FASLG: variants seen among roughly 807,000 people sequenced by gnomAD.
FASLG encodes tumor necrosis factor ligand superfamily member 6.
Under a neutral mutation model 24.6 loss-of-function variants are expected in FASLG, and 9 were observed. The observed-to-expected ratio is 0.37, with a 90% CI of 0.22 to 0.64. The LOEUF is 0.64. Among genes scored for constraint, FASLG ranks in the 30% least tolerant of loss-of-function variants. The pLI is 0.64. For synonymous variants in FASLG, 130 were observed against 135.5 expected, an observed-to-expected ratio of 0.96 and a Z score of 0.28; for missense variants, 306 against 345.3, an observed-to-expected ratio of 0.89 and a Z score of 0.90.
chr1:172,662,409 T>G (rs1185352403), intron 2 of FASLG, among the ~76,000 whole-genome samples: 1 of 152,196 alleles, frequency 6.6e-6, no homozygotes, highest in Non-Finnish European at 1.5e-5. Context: ...GGCTAGATGT[T>G]GGGTGTTGGA....
In FASLG at chr1:172,660,119, T is replaced by A; in HGVS notation, c.373T>A (p.Ser125Thr). ...GTCTACCAGCCAGATGCACACAGCA[T>A]CATCTTTGGAGAAGCAAATAGGTGA... is the stretch of plus-strand genomic sequence containing the variant. Reference protein sequence around the residue: ...RESTSQMHTASSLEKQIGHPS... With the variant: ...RESTSQMHTATSLEKQIGHPS... Residue 125 changes from serine to threonine, a missense_variant, in exon 2 of 4, where the codon TCA (serine) becomes ACA (threonine). Coordinates refer to ENST00000367721, the MANE Select transcript of FASLG (RefSeq NM_000639.3). 6.2e-7 allele frequency: 1 copy of A among 1,614,156 alleles called. No homozygotes were observed.
chr1:172,661,234 C>T (rs543954103), intron 2 of FASLG, among the ~76,000 whole-genome samples: 31 of 152,214 alleles, frequency 2.0e-4, no homozygotes, highest in African/African-American at 6.3e-4. Context: ...TCCTTAGAAA[C>T]TCAGAATAAA....
intron 2 of FASLG, among the ~76,000 whole-genome samples, chr1:172,664,035 A>T (rs979785693): frequency 1.3e-5 from 2 of 152,212 alleles, no homozygotes; most frequent in Non-Finnish European, 2.9e-5. Flanking sequence ...GTGAGTTCTA[A>T]ATGCAATAAC....
intron 2 of FASLG, among the ~76,000 whole-genome samples, chr1:172,661,855 CT>C (rs1049694244): frequency 6.6e-6 from 1 of 151,958 alleles, no homozygotes; most frequent in African/African-American, 2.4e-5. Flanking sequence ...ATTGCTATAA[CT>C]TTTTTTGAAG....
Position 172,659,179 on chromosome 1 carries a change from GC to G in FASLG, c.-22del, listed in dbSNP as rs1558233237. On this transcript the variant is annotated 5_prime_UTR_variant, in exon 1 of 4. Coordinates refer to ENST00000367721, the MANE Select transcript of FASLG (RefSeq NM_000639.3). ...AGAAGAAGTAAAACCGTTTGCTGGG[GC>G]TGGCCTGACTCACCAGCTGCCATGC... 3 of 1,614,044 alleles carry G rather than the reference GC, an allele frequency of 1.9e-6. No individual in the cohort carries two copies.
chr1:172,665,701 G>C lies in FASLG; in HGVS notation c.531G>C (p.Lys177Asn), dbSNP rs1167810300. The C allele has an allele frequency of 1.2e-6, 2 of 1,614,206 alleles. No homozygotes were observed. Among genetic ancestry groups the C allele is most frequent in the Non-Finnish European group, 1.7e-6 (2 of 1,180,032 alleles). ...TCCTGCTTTCTGGAGTGAAGTATAA[G>C]AAGGGTGGCCTTGTGATCAATGAAA... ...GIVLLSGVKY[K>N]KGGLVINETG... The change falls in exon 4 of 4, where the codon AAG becomes AAC. Residue 177 changes from lysine to asparagine, a missense_variant. By Grantham distance (94) the Lys-to-Asn change is moderately conservative (BLOSUM62 0). Coordinates refer to ENST00000367721, the MANE Select transcript of FASLG (RefSeq NM_000639.3).
chr1:172,663,214 A>G (rs1050745927), intron 2 of FASLG, among the ~76,000 whole-genome samples: 2 of 152,212 alleles, frequency 1.3e-5, no homozygotes, highest in Non-Finnish European at 2.9e-5. Flanking sequence ...CTATCCTTCC[A>G]TTTAATTTGT....
intron 2 of FASLG, among the ~76,000 whole-genome samples, 159 bp from the exon 3 acceptor site, chr1:172,664,175 A>G (rs1348256957): frequency 1.3e-5 from 2 of 152,194 alleles, no homozygotes; most frequent in Non-Finnish European, 2.9e-5. Context: ...ATAGACTACT[A>G]TGAATCCTGC....
Position 172,659,470 on chromosome 1 carries a change from T to C in FASLG, c.269T>C (p.Val90Ala). Residue 90 changes from valine (V) to alanine (A), a missense_variant, in exon 1 of 4, where the codon GTT (valine) becomes GCT (alanine). Val to Ala is a moderately conservative substitution (Grantham distance 64). Coordinates refer to ENST00000367721, the MANE Select transcript of FASLG (RefSeq NM_000639.3). ...GLCLLVMFFM[V>A]LVALVGLGLG... ...TGTCTCCTTGTGATGTTTTTCATGG[T>C]TCTGGTTGCCTTGGTAGGATTGGGC... The C allele has an allele frequency of 6.2e-7, 1 of 1,613,946 alleles. No individual in the cohort carries two copies. The highest frequency in any genetic ancestry group is 8.5e-7 in the Non-Finnish European group (1 of 1,179,954).
In FASLG at chr1:172,659,371, C is replaced by T. The variant is rs149883274; in HGVS notation, c.170C>T (p.Pro57Leu). The change falls in exon 1 of 4, where the codon CCG becomes CTG. Residue 57 changes from proline to leucine, a missense_variant. Pro to Leu is a moderately conservative substitution (Grantham distance 98, BLOSUM62 -3). Coordinates refer to ENST00000367721, the MANE Select transcript of FASLG (RefSeq NM_000639.3). ...PPPPPPPLPP[P>L]PPPPPLPPLP... ...CCGCCACCGCCACCACTACCACCTC[C>T]GCCGCCGCCGCCACCACTGCCTCCA... is the stretch of plus-strand genomic sequence containing the variant. The T allele has an allele frequency of 1.9e-5, 31 of 1,608,252 alleles. 1 individual carries two copies. The highest frequency in any genetic ancestry group is 6.7e-5 in the East Asian group (3 of 44,704).
chr1:172,665,994 T>A lies in FASLG; in HGVS notation c.824T>A (p.Phe275Tyr). Residue 275 changes from phenylalanine (F) to tyrosine (Y), a missense_variant, in exon 4 of 4, where the codon TTT becomes TAT. Transcript: ENST00000367721. Reference sequence around the variant, plus strand: ...GTCAATTTTGAGGAATCTCAGACGTTTTTCGGCTTATATAAGCTCTAAGAG... The same window carrying A: ...GTCAATTTTGAGGAATCTCAGACGTATTTCGGCTTATATAAGCTCTAAGAG... ...SLVNFEESQTFFGLYKL is the reference protein window; with the variant it reads ...SLVNFEESQTYFGLYKL 6.2e-7 allele frequency: 1 copy of A among 1,614,136 alleles called. No individual in the cohort carries two copies. The highest frequency in any genetic ancestry group is 8.5e-7 in the Non-Finnish European group (1 of 1,180,012).
rs964678038 is a variant in FASLG, at chr1:172,666,101, C to G, written c.*85C>G. 2 of 1,528,358 alleles carry G rather than the reference C, an allele frequency of 1.3e-6. No homozygotes were observed. The highest frequency in any genetic ancestry group is 1.8e-6 in the Non-Finnish European group (2 of 1,115,910). 94.7% of individuals were successfully genotyped at this position (1,528,358 alleles called of 1,614,324 possible). The stretch of plus-strand genomic sequence containing the variant: ...TATTCAGTGAGGGTCTTCTTACATG[C>G]ATTTGAGGTCAAGTAAGAAGACATG... On this transcript the variant is annotated 3_prime_UTR_variant, in exon 4 of 4. Transcript: ENST00000367721.
chr1:172,660,246 A>G, intron 2 of FASLG, 106 bp downstream of exon 2: 4 of 1,105,942 alleles, frequency 3.6e-6, no homozygotes, highest in Non-Finnish European at 5.5e-6. Context: ...GTTTCTGTAC[A>G]CTATAAGAGG....
In FASLG at chr1:172,659,253, A is replaced by G; in HGVS notation, c.52A>G (p.Ser18Gly). 4 of 1,614,156 alleles carry G rather than the reference A, an allele frequency of 2.5e-6. No homozygotes were observed. The South Asian group carries it at 4.4e-5, about 18-fold the overall frequency. ...TCCCCAGATCTACTGGGTGGACAGC[A>G]GTGCCAGCTCTCCCTGGGCCCCTCC... is the stretch of plus-strand genomic sequence containing the variant. ...PYPQIYWVDS[S>G]ASSPWAPPGT... The change falls in exon 1 of 4, where the codon AGT becomes GGT. Residue 18 changes from serine to glycine, a missense_variant. Ser to Gly is a moderately conservative substitution (Grantham distance 56). Coordinates refer to ENST00000367721, the MANE Select transcript of FASLG (RefSeq NM_000639.3).
At chr1:172,663,871 A>G (rs1051750627) in intron 2 of FASLG, among the ~76,000 whole-genome samples, 1 of 152,126 alleles carries the variant, frequency 6.6e-6, no homozygotes, top group Non-Finnish European at 1.5e-5. Context: ...AGAGAATCAG[A>G]GTGGACAGAG....
At chr1:172,660,553 C>G (rs540686313) in intron 2 of FASLG, among the ~76,000 whole-genome samples, 1 of 152,184 alleles carries the variant, frequency 6.6e-6, no homozygotes, top group Non-Finnish European at 1.5e-5. Context: ...GAGAAACGTC[C>G]TTTCCTCTTT....
chr1:172,662,529 C>G (rs1659165174), intron 2 of FASLG, among the ~76,000 whole-genome samples: 1 of 151,850 alleles, frequency 6.6e-6, no homozygotes, highest in Non-Finnish European at 1.5e-5. Context: ...CAAAGTTGTA[C>G]TAAGTACAAC....
rs1045078007 is a variant in FASLG at position 172,666,264 on chromosome 1, A to G, written c.*248A>G. 3.8e-6 allele frequency: 2 copies of G among 521,684 alleles called. No homozygotes were observed. Among genetic ancestry groups the G allele is most frequent in the Non-Finnish European group, 6.9e-6 (2 of 289,680 alleles). The allele number at this position is 521,684 out of a possible 1,614,324, so 32.3% of individuals were successfully genotyped here. ...GGCTGCCATGTGAAGAGGGAGAAGC[A>G]TGAAAAAGCAGCTACCAGGTGTTCT... On this transcript the variant is annotated 3_prime_UTR_variant, in exon 4 of 4. Coordinates refer to ENST00000367721, the MANE Select transcript of FASLG (RefSeq NM_000639.3).
Position 172,659,527 on chromosome 1 carries a change from A to C in FASLG, c.326A>C (p.Lys109Thr). ...LGMFQLFHLQ[K>T]ELAELRESTS... is the part of the protein sequence containing the mutation. ...ATGTTTCAGCTCTTCCACCTACAGA[A>C]GGAGCTGGCAGAACTCCGAGAGGTA... Residue 109 changes from lysine (K) to threonine (T), a missense_variant, in exon 1 of 4, where the codon AAG becomes ACG. By Grantham distance (78) the Lys-to-Thr change is moderately conservative. Transcript: ENST00000367721. The C allele has an allele frequency of 6.2e-7, 1 of 1,613,870 alleles. No individual in the cohort carries two copies. Among genetic ancestry groups the C allele is most frequent in the Non-Finnish European group, 8.5e-7 (1 of 1,179,984 alleles).
Sources: gnomAD v4.1 joint callset for allele counts (sites outside exome capture counted in the v4.1 genomes callset) on GRCh38, gnomAD v4.1.1 for gene constraint, MANE v1.5 for transcripts, NCBI Gene and HGNC (gene_info 2026-07-23, HGNC 2026-07-21) for gene names.